Variants in DCLK1 observed in about 807,000 individuals in gnomAD.
The protein encoded by DCLK1 is doublecortin like kinase 1.
In DCLK1, 16 loss-of-function variants were observed where a neutral mutation model predicts 86.2. That is an observed-to-expected ratio of 0.19 (90% CI 0.13 to 0.28). DCLK1 has a LOEUF of 0.28. Among genes scored for constraint, DCLK1 ranks in the 10% least tolerant of loss-of-function variants. DCLK1 has a pLI of 1.00. For synonymous variants in DCLK1, 369 were observed against 370.5 expected (o/e 1.00, Z 0.05); for missense variants, 590 against 940.2 (o/e 0.63, Z 4.87).
intron 6 of DCLK1, among the ~76,000 whole-genome samples, chr13:35,841,873 G>A (rs915198204): frequency 6.6e-6 from 1 of 151,962 alleles, no homozygotes; most frequent in Non-Finnish European, 1.5e-5. Flanking sequence ...AAAGAGTTTG[G>A]GGGACTGGGA....
chr13:36,121,579 T>C (rs1160310676), intron 2 of DCLK1, among the ~76,000 whole-genome samples: 1 of 152,080 alleles, frequency 6.6e-6, no homozygotes, highest in Non-Finnish European at 1.5e-5. Context: ...TTGTTGTTAA[T>C]TTCTTGCCAT....
intron 4 of DCLK1, among the ~76,000 whole-genome samples, chr13:35,928,436 C>CCCTCAAG (rs1168776622): frequency 1.3e-5 from 2 of 152,152 alleles, no homozygotes; most frequent in Non-Finnish European, 2.9e-5. Context: ...GCTCCATTAC[C>CCCTCAAG]CCTCAAGTCT....
At chr13:35,807,168 C>T (rs2087044008) in intron 14 of DCLK1, among the ~76,000 whole-genome samples, 3 of 152,150 alleles carry the variant, frequency 2.0e-5, no homozygotes, top group African/African-American at 7.2e-5. Flanking sequence ...ACAAACATCT[C>T]AATGTAAGAT....
intron 12 of DCLK1, among the ~76,000 whole-genome samples, chr13:35,810,127 T>A (rs1055104634): frequency 2.6e-5 from 4 of 152,026 alleles, no homozygotes; most frequent in African/African-American, 9.7e-5. Context: ...CTGACCTGAG[T>A]TCAAATCCTG....
At chr13:35,864,964 C>G (rs1871687351) in intron 5 of DCLK1, among the ~76,000 whole-genome samples, 1 of 152,034 alleles carries the variant, frequency 6.6e-6, no homozygotes, top group African/African-American at 2.4e-5. Context: ...AGAGCTTTCC[C>G]AAATCCAAGA....
At chr13:35,997,505 C>T (rs1444866856) in intron 3 of DCLK1, among the ~76,000 whole-genome samples, 1 of 152,190 alleles carries the variant, frequency 6.6e-6, no homozygotes, top group African/African-American at 2.4e-5. Context: ...CAATGGAAAA[C>T]AGTTAAACAG....
intron 5 of DCLK1, among the ~76,000 whole-genome samples, chr13:35,861,392 G>T (rs1025201543): frequency 6.6e-6 from 1 of 152,164 alleles, no homozygotes; most frequent in East Asian, 1.9e-4. Context: ...CAAGGGTCAG[G>T]GTGGATGAGG....
intron 3 of DCLK1, among the ~76,000 whole-genome samples, chr13:36,026,068 G>C (rs17053361): frequency 0.17 from 26,477 of 152,058 alleles, 2,740 homozygotes; most frequent in East Asian, 0.46. Context: ...GAAACAAACT[G>C]TCATGTTAGC....
intron 3 of DCLK1, among the ~76,000 whole-genome samples, chr13:36,077,420 A>C (rs902066967): frequency 6.6e-6 from 1 of 152,136 alleles, no homozygotes; most frequent in African/African-American, 2.4e-5. Flanking sequence ...CCCCCTGGAA[A>C]TGGGTCACAG....
At chr13:35,965,657 T>C (rs1176945471) in intron 3 of DCLK1, among the ~76,000 whole-genome samples, 3 of 152,170 alleles carry the variant, frequency 2.0e-5, no homozygotes, top group Non-Finnish European at 2.9e-5. Context: ...AGAAACCACA[T>C]TGCTCCTCTC....
intron 10 of DCLK1, 136 bp downstream of exon 10, chr13:35,827,499 A>G: frequency 9.3e-7 from 1 of 1,076,850 alleles, no homozygotes. Context: ...TTCTCCTGTG[A>G]ACATTCCTAA....
intron 3 of DCLK1, among the ~76,000 whole-genome samples, chr13:36,029,180 G>A (rs1165106744): frequency 6.6e-6 from 1 of 152,064 alleles, no homozygotes; most frequent in Admixed American, 6.6e-5. Flanking sequence ...GACTCTTTCC[G>A]GTAACAGTGA....
intron 3 of DCLK1, among the ~76,000 whole-genome samples, chr13:36,007,129 G>A (rs778892329): frequency 6.6e-6 from 1 of 152,134 alleles, no homozygotes; most frequent in Non-Finnish European, 1.5e-5. Flanking sequence ...GCATGCATAA[G>A]CCCAACTATG....
chr13:36,008,006 A>G (rs1593811817), intron 3 of DCLK1, among the ~76,000 whole-genome samples: 1 of 151,674 alleles, frequency 6.6e-6, no homozygotes, highest in East Asian at 1.9e-4. Flanking sequence ...AGTCTATAAA[A>G]CTCCACATAT....
At chr13:36,099,129 G>T (rs1885112317) in intron 3 of DCLK1, among the ~76,000 whole-genome samples, 1 of 151,906 alleles carries the variant, frequency 6.6e-6, no homozygotes, top group Admixed American at 6.6e-5. Context: ...CACCACACCT[G>T]GCTCATTTTT....
intron 4 of DCLK1, among the ~76,000 whole-genome samples, chr13:35,913,436 C>T (rs1282139744): frequency 1.3e-5 from 2 of 152,296 alleles, no homozygotes; most frequent in Admixed American, 6.5e-5. Flanking sequence ...ACCACAAATG[C>T]TCAAATGCAA....
rs1175678387 is a variant in DCLK1, at chr13:35,898,815, C to T, written c.824-27475G>A. Among the ~76,000 whole-genome samples the T allele has an allele frequency of 5.9e-5, 9 of 152,130 alleles. No homozygotes were observed. The East Asian group carries it at 1.7e-3, about 29-fold the overall frequency. ...GGAGTGCAGTGGCACGATCTCGGCTCACAGCAACCTTTGCCTCCTGGGCTC... is the reference window on the plus strand; with the variant it reads ...GGAGTGCAGTGGCACGATCTCGGCTTACAGCAACCTTTGCCTCCTGGGCTC... On this transcript the variant is annotated intron_variant, in intron 4 of 16. Transcript: ENST00000360631.
chr13:36,076,075 AT>A (rs1224782512), intron 3 of DCLK1, among the ~76,000 whole-genome samples: 2 of 152,152 alleles, frequency 1.3e-5, no homozygotes, highest in Non-Finnish European at 2.9e-5. Context: ...TATATCTTGC[AT>A]TTCTTATTCT....
chr13:35,972,363 A>T (rs568911135), intron 3 of DCLK1, among the ~76,000 whole-genome samples: 78 of 152,200 alleles, frequency 5.1e-4, no homozygotes, highest in African/African-American at 1.8e-3. Context: ...CTCAGCCTTG[A>T]CATGAGATCT....
Sources: allele counts gnomAD v4.1 joint callset (sites outside exome capture counted in the v4.1 genomes callset), GRCh38; gene constraint gnomAD v4.1.1; transcripts MANE v1.5; gene names NCBI Gene and HGNC (gene_info 2026-07-23, HGNC 2026-07-21).